The following KCNQ5 variants were observed in gnomAD, a reference collection of about 807,000 sequenced individuals.
The protein encoded by KCNQ5 is potassium voltage-gated channel subfamily KQT member 5.
KCNQ5 carries 30 observed loss-of-function variants against 98.2 expected under a neutral mutation model. The observed-to-expected ratio is 0.31, with a 90% CI of 0.23 to 0.41. The LOEUF (loss-of-function observed/expected upper bound fraction) is 0.41. Among genes scored for constraint, KCNQ5 ranks in the 10% least tolerant of loss-of-function variants. The pLI is 1.00. For synonymous variants in KCNQ5, 458 were observed against 449.4 expected (o/e 1.02, Z -0.24); for missense variants, 835 against 1,182.5 (o/e 0.71, Z 4.31).
intron 1 of KCNQ5, among the ~76,000 whole-genome samples, chr6:72,648,100 G>A (rs1328857): frequency 0.61 from 92,744 of 151,974 alleles, 31,142 homozygotes; most frequent in African/African-American, 0.89. Context: ...TGGTAATTAA[G>A]TTTGATAATT....
intron 1 of KCNQ5, among the ~76,000 whole-genome samples, chr6:72,718,538 C>A (rs1415342104): frequency 6.6e-6 from 1 of 150,584 alleles, no homozygotes; most frequent in East Asian, 1.9e-4. Context: ...GCAACCTCCG[C>A]CTCCCAGGTT....
At chr6:73,017,122 G>A (rs1041971651) in intron 2 of KCNQ5, among the ~76,000 whole-genome samples, 13 of 152,072 alleles carry the variant, frequency 8.5e-5, no homozygotes, top group Non-Finnish European at 1.9e-4. Flanking sequence ...TTTAGCCCCT[G>A]TGCTGGGGTC....
intron 11 of KCNQ5, among the ~76,000 whole-genome samples, chr6:73,172,440 T>A (rs1233046438): frequency 6.6e-6 from 1 of 152,178 alleles, no homozygotes; most frequent in Non-Finnish European, 1.5e-5. Flanking sequence ...ACTCAATAGC[T>A]TAATAACCTA....
chr6:72,800,143 T>C (rs1774564531), intron 1 of KCNQ5, among the ~76,000 whole-genome samples: 1 of 152,146 alleles, frequency 6.6e-6, no homozygotes, highest in Admixed American at 6.6e-5. Flanking sequence ...TGAGTTACAA[T>C]TTGAATTTCA....
At chr6:72,873,442 C>T (rs1187540548) in intron 1 of KCNQ5, among the ~76,000 whole-genome samples, 1 of 152,056 alleles carries the variant, frequency 6.6e-6, no homozygotes, top group Non-Finnish European at 1.5e-5. Context: ...TCTGCAGGTA[C>T]TTGTACAATC....
intron 1 of KCNQ5, among the ~76,000 whole-genome samples, chr6:72,625,548 A>T (rs6453592): frequency 0.17 from 25,922 of 152,236 alleles, 2,555 homozygotes; most frequent in Middle Eastern, 0.25. Context: ...ACACAGGATG[A>T]GGCTTCATAT....
At chr6:73,047,342 C>A (rs903287002) in intron 3 of KCNQ5, among the ~76,000 whole-genome samples, 3 of 152,214 alleles carry the variant, frequency 2.0e-5, no homozygotes, top group Non-Finnish European at 4.4e-5. Flanking sequence ...AATAGACTTA[C>A]TTACCTGTAT....
chr6:72,828,928 C>A (rs527863691), intron 1 of KCNQ5, among the ~76,000 whole-genome samples: 4 of 152,002 alleles, frequency 2.6e-5, no homozygotes, highest in Admixed American at 2.6e-4. Flanking sequence ...TTAATACAAC[C>A]TACAAAATAA....
At chr6:73,057,986 A>T (rs1167426494) in intron 3 of KCNQ5, among the ~76,000 whole-genome samples, 1 of 152,210 alleles carries the variant, frequency 6.6e-6, no homozygotes, top group Non-Finnish European at 1.5e-5. Flanking sequence ...AAAACAAGCA[A>T]TGGGAAAAGA....
chr6:73,163,623 C>A (rs1244275348), intron 10 of KCNQ5, among the ~76,000 whole-genome samples: 1 of 152,182 alleles, frequency 6.6e-6, no homozygotes, highest in African/African-American at 2.4e-5. Context: ...TGGCAGGCAC[C>A]CGTAATCCCA....
chr6:72,809,601 A>G (rs959931805), intron 1 of KCNQ5, among the ~76,000 whole-genome samples: 3 of 152,162 alleles, frequency 2.0e-5, no homozygotes, highest in African/African-American at 4.8e-5. Context: ...TATGTTGACT[A>G]GGTAAAACCT....
chr6:72,713,383 G>A (rs956987342), intron 1 of KCNQ5, among the ~76,000 whole-genome samples: 6 of 152,106 alleles, frequency 3.9e-5, no homozygotes, highest in Admixed American at 6.6e-5. Flanking sequence ...CCATCAACCT[G>A]TTCATCTGAG....
At chr6:72,626,701 A>G (rs2098918146) in intron 1 of KCNQ5, among the ~76,000 whole-genome samples, 1 of 152,206 alleles carries the variant, frequency 6.6e-6, no homozygotes, top group Admixed American at 6.5e-5. Context: ...TGTTGCATTC[A>G]TTTATTCATA....
At chr6:72,914,312 A>G (rs192272952) in intron 1 of KCNQ5, among the ~76,000 whole-genome samples, 47 of 152,070 alleles carry the variant, frequency 3.1e-4, no homozygotes, top group African/African-American at 1.1e-3. Context: ...GATAAAAGAG[A>G]ATAACAGTAC....
chr6:73,016,711 GAAC>G (rs1240757501), intron 2 of KCNQ5, among the ~76,000 whole-genome samples: 1 of 152,044 alleles, frequency 6.6e-6, no homozygotes, highest in Non-Finnish European at 1.5e-5. Context: ...GCATGGACTA[GAAC>G]AATATAGAGA....
chr6:73,091,331 G>A (rs1339911845), intron 5 of KCNQ5, among the ~76,000 whole-genome samples: 1 of 152,082 alleles, frequency 6.6e-6, no homozygotes, highest in Non-Finnish European at 1.5e-5. Context: ...AGGGGTTAGG[G>A]GGCTGGGGGA....
intron 1 of KCNQ5, among the ~76,000 whole-genome samples, chr6:72,752,382 T>C (rs1261568177): frequency 2.0e-5 from 3 of 152,040 alleles, no homozygotes; most frequent in African/African-American, 7.2e-5. Flanking sequence ...TGAAGGTAAG[T>C]AGAAATTAAT....
intron 1 of KCNQ5, among the ~76,000 whole-genome samples, chr6:72,840,618 C>T (rs575903443): frequency 3.3e-5 from 5 of 152,290 alleles, no homozygotes; most frequent in South Asian, 2.1e-4. Context: ...CCAAGCCCCC[C>T]GGCTAGTTGT....
At chr6:73,121,067 C>CA (rs1457801768) in intron 8 of KCNQ5, among the ~76,000 whole-genome samples, 9 of 151,366 alleles carry the variant, frequency 5.9e-5, no homozygotes, top group East Asian at 1.9e-4. Flanking sequence ...ACATCAGTGG[C>CA]AAAAAAAGAG....
Sources: allele counts gnomAD v4.1 joint callset (sites outside exome capture counted in the v4.1 genomes callset), GRCh38; gene constraint gnomAD v4.1.1; transcripts MANE v1.5; gene names NCBI Gene and HGNC (gene_info 2026-07-23, HGNC 2026-07-21).